PCDHGB1: variants seen among roughly 807,000 people sequenced by gnomAD.
The protein encoded by PCDHGB1 is protocadherin gamma-B1.
PCDHGB1 carries 34 observed loss-of-function variants against 56.6 expected under a neutral mutation model. The observed-to-expected ratio is 0.60, with a 90% CI of 0.46 to 0.80. PCDHGB1 has a LOEUF of 0.80. Ranked by LOEUF, PCDHGB1 falls within the 30% of genes least tolerant of loss-of-function variation. The pLI is 0.00. For synonymous variants in PCDHGB1, 561 were observed against 505.9 expected (o/e 1.11, Z -1.46); for missense variants, 1,278 against 1,204.6 (o/e 1.06, Z -0.90).
At position 141,356,332 on chromosome 5, in the gene PCDHGB1, G is replaced by A; in HGVS notation, c.2409+3663G>A. The A allele has an allele frequency of 6.4e-7, 1 of 1,554,428 alleles. No homozygotes were observed. Among genetic ancestry groups the A allele is most frequent in the African/African-American group, 1.4e-5 (1 of 73,232 alleles). ...CAACGTGCATGACAGTGACTCAGGAGGAAATGGCCTAGTCACATGTTCTAT... is the reference window on the plus strand; with the variant it reads ...CAACGTGCATGACAGTGACTCAGGAAGAAATGGCCTAGTCACATGTTCTAT... On this transcript the variant is annotated intron_variant, in intron 1 of 3. Coordinates refer to ENST00000523390, the MANE Select transcript of PCDHGB1 (RefSeq NM_018922.3).
At chr5:141,355,628 C>T (rs1759918575) in intron 1 of PCDHGB1, 1 of 1,613,862 alleles carries the variant, frequency 6.2e-7, no homozygotes, top group South Asian at 1.1e-5. Flanking sequence ...ATAAAAGTTG[C>T]TGAAAATGAA....
chr5:141,415,740 G>GTTTTTTTTTTT (rs57426385), intron 1 of PCDHGB1: 102 of 625,036 alleles, frequency 1.6e-4, no homozygotes, highest in Admixed American at 2.1e-4. Context: ...GTTTATTAAG[G>GTTTTTTTTTTT]TTTTTTTTTT....
At position 141,476,499 on chromosome 5, in the gene PCDHGB1, T is replaced by A. The variant is rs763373223; in HGVS notation, c.2410-18308T>A. On this transcript the variant is annotated intron_variant, in intron 1 of 3. Coordinates refer to ENST00000523390, the MANE Select transcript of PCDHGB1 (RefSeq NM_018922.3). This position sits in a 1 kb window ranked among gnomAD's most constrained non-coding sequence, Gnocchi z 7.6. Reference sequence around the variant, plus strand: ...AGCGTGGAAGTGGTGATCCAGGACATCAACGACAACAATCCTGCTTTCCCT... The same window carrying A: ...AGCGTGGAAGTGGTGATCCAGGACAACAACGACAACAATCCTGCTTTCCCT... 3.1e-6 allele frequency: 5 copies of A among 1,613,992 alleles called. No individual in the cohort carries two copies. The South Asian group carries it at 5.5e-5, about 18-fold the overall frequency.
intron 1 of PCDHGB1, chr5:141,389,604 G>C: frequency 6.2e-7 from 1 of 1,613,156 alleles, no homozygotes; most frequent in Non-Finnish European, 8.5e-7. Flanking sequence ...TGCGCTCTTC[G>C]ATATGGTGCC....
chr5:141,409,360 A>G (rs746614262), intron 1 of PCDHGB1: 2 of 1,614,014 alleles, frequency 1.2e-6, no homozygotes, highest in Admixed American at 3.3e-5. Flanking sequence ...GGTGTAATAT[A>G]GAAACAGACA....
rs1205353926 is a variant in PCDHGB1 at position 141,477,969 on chromosome 5, T to A, written c.2410-16838T>A. 6.2e-7 allele frequency: 1 copy of A among 1,613,962 alleles called. No homozygotes were observed. Among genetic ancestry groups the A allele is most frequent in the Non-Finnish European group, 8.5e-7 (1 of 1,180,032 alleles). ...CTCTTGGGATCCCCTAACCAGAGCC[T>A]TTTTGCCATAGGGCTGCACACTGGT... On this transcript the variant is annotated intron_variant, in intron 1 of 3. Coordinates refer to ENST00000523390, the MANE Select transcript of PCDHGB1 (RefSeq NM_018922.3). The surrounding 1 kb of genome is among the most constrained non-coding windows in gnomAD (Gnocchi z 4.9).
At chr5:141,386,097 T>C (rs1216816786) in intron 1 of PCDHGB1, 9 of 152,236 alleles carry the variant, frequency 5.9e-5, no homozygotes, top group African/African-American at 2.2e-4. Flanking sequence ...AGATGAAGTG[T>C]GTCTGTGGGC....
chr5:141,351,339 C>T lies in PCDHGB1; in HGVS notation c.1079C>T (p.Thr360Ile), dbSNP rs1309136506. 6.2e-7 allele frequency: 1 copy of T among 1,613,532 alleles called. No individual in the cohort carries two copies. The highest frequency in any genetic ancestry group is 8.5e-7 in the Non-Finnish European group (1 of 1,179,652). The change falls in exon 1 of 4, where the codon ACT (threonine) becomes ATT (isoleucine). Residue 360 changes from threonine to isoleucine, a missense_variant. By Grantham distance (89) the Thr-to-Ile change is moderately conservative. Transcript: ENST00000523390. ...ATTCCAGAGGATTCAGACCTTGGAA[C>T]TGTAATAGCCCTCATAAAAGTGCGA... ...NQIPEDSDLG[T>I]VIALIKVRDK...
At chr5:141,376,041 C>G (rs781158382) in intron 1 of PCDHGB1, 1 of 1,613,218 alleles carries the variant, frequency 6.2e-7, no homozygotes, top group Non-Finnish European at 8.5e-7. Flanking sequence ...GGCCAGCCCC[C>G]TCTCTCCGCC....
intron 1 of PCDHGB1, among the ~76,000 whole-genome samples, chr5:141,449,589 A>G (rs1196329432): frequency 7.6e-6 from 1 of 131,966 alleles, no homozygotes; most frequent in Non-Finnish European, 1.7e-5. Context: ...ACTCTGTCTC[A>G]AAAAAAAAAA....
chr5:141,491,327 T>C lies in PCDHGB1; in HGVS notation c.2410-3480T>C, dbSNP rs1422115943. ...TCAGACCTTACCCTTTACCTCATTG[T>C]GGCTCTAGCGACCGTCAGTCTCTTA... is the stretch of plus-strand genomic sequence containing the variant. On this transcript the variant is annotated intron_variant, in intron 1 of 3. Coordinates refer to ENST00000523390, the MANE Select transcript of PCDHGB1 (RefSeq NM_018922.3). This position sits in a 1 kb window ranked among gnomAD's most constrained non-coding sequence, Gnocchi z 6.9. 5.6e-6 allele frequency: 9 copies of C among 1,614,098 alleles called. No homozygotes were observed. Among genetic ancestry groups the C allele is most frequent in the Admixed American group, 3.3e-5 (2 of 60,006 alleles).
chr5:141,476,446 G>A lies in PCDHGB1; in HGVS notation c.2410-18361G>A. On this transcript the variant is annotated intron_variant, in intron 1 of 3. Transcript: ENST00000523390. This position sits in a 1 kb window ranked among gnomAD's most constrained non-coding sequence, Gnocchi z 7.6. Reference sequence around the variant, plus strand: ...CCTCTTGCACTGTAACTCTGGAGTTGGTAGTGGAGAACCCGCTGGAGCTGT... The same window carrying A: ...CCTCTTGCACTGTAACTCTGGAGTTAGTAGTGGAGAACCCGCTGGAGCTGT... 6.2e-7 allele frequency: 1 copy of A among 1,614,144 alleles called. No homozygotes were observed. Among genetic ancestry groups the A allele is most frequent in the South Asian group, 1.1e-5 (1 of 91,072 alleles).
Position 141,491,300 on chromosome 5 carries a change from G to A in PCDHGB1, c.2410-3507G>A, listed in dbSNP as rs2099710472. On this transcript the variant is annotated intron_variant, in intron 1 of 3. Coordinates refer to ENST00000523390, the MANE Select transcript of PCDHGB1 (RefSeq NM_018922.3). This position sits in a 1 kb window ranked among gnomAD's most constrained non-coding sequence, Gnocchi z 6.9. ...GACTTCCTCATACACCCTCCTGAGC[G>A]TTCAGACCTTACCCTTTACCTCATT... 1 of 1,614,136 alleles carries A rather than the reference G, an allele frequency of 6.2e-7. No homozygotes were observed. The highest frequency in any genetic ancestry group is 1.1e-5 in the South Asian group (1 of 91,086).
intron 1 of PCDHGB1, chr5:141,428,344 G>C (rs970552377): frequency 8.4e-6 from 5 of 596,498 alleles, no homozygotes; most frequent in Non-Finnish European, 1.5e-5. Context: ...CTTCTTCCTC[G>C]CAGTGATTTT....
intron 3 of PCDHGB1, among the ~76,000 whole-genome samples, chr5:141,507,479 C>T (rs1050741571): frequency 1.3e-5 from 2 of 152,198 alleles, no homozygotes; most frequent in East Asian, 1.9e-4. Flanking sequence ...GACTGCTGGC[C>T]TCCTGAGGCA....
intron 1 of PCDHGB1, chr5:141,422,727 G>T (rs373180311): frequency 6.3e-5 from 102 of 1,606,434 alleles, no homozygotes; most frequent in Non-Finnish European, 2.0e-5. Context: ...TCCAGGGGGT[G>T]CCTCTGTCCT....
chr5:141,384,528 C>A (rs1443944722), intron 1 of PCDHGB1: 2 of 1,614,136 alleles, frequency 1.2e-6, no homozygotes, highest in Admixed American at 3.3e-5. Flanking sequence ...CGCCTCTCAG[C>A]AGCAACATGT....
chr5:141,457,972 A>AC (rs1198043621), intron 1 of PCDHGB1, among the ~76,000 whole-genome samples: 4 of 152,218 alleles, frequency 2.6e-5, no homozygotes, highest in African/African-American at 9.6e-5. Flanking sequence ...TTAAAGGGAA[A>AC]CACACCCTTT....
At chr5:141,448,573 A>AT (rs976781630) in intron 1 of PCDHGB1, among the ~76,000 whole-genome samples, 10 of 151,772 alleles carry the variant, frequency 6.6e-5, no homozygotes, top group East Asian at 5.8e-4. Flanking sequence ...TTATTTCCCC[A>AT]TTTTTTTTAC....
Sources: gnomAD v4.1 joint callset for allele counts (sites outside exome capture counted in the v4.1 genomes callset) on GRCh38, gnomAD v4.1.1 for gene constraint, Gnocchi (gnomAD v3.1) non-coding constraint, MANE v1.5 for transcripts, NCBI Gene and HGNC (gene_info 2026-07-23, HGNC 2026-07-21) for gene names.